PCDH9: variants seen among roughly 807,000 people sequenced by gnomAD.
The protein encoded by PCDH9 is protocadherin-9.
In PCDH9, 24 loss-of-function variants were observed where a neutral mutation model predicts 70.6. The ratio of observed to expected loss-of-function variants is 0.34; its 90% CI spans 0.25 to 0.48. The LOEUF is 0.48. Ranked by LOEUF, PCDH9 falls within the 20% of genes least tolerant of loss-of-function variation. The pLI is 0.99. For missense variants in PCDH9, 1,281 were observed against 1,503.6 expected, an observed-to-expected ratio of 0.85 and a Z score of 2.45; for synonymous variants, 562 against 558.5, an observed-to-expected ratio of 1.01 and a Z score of -0.09.
At chr13:66,733,677 CTT>C (rs11366736) in intron 3 of PCDH9, among the ~76,000 whole-genome samples, 94 of 147,224 alleles carry the variant, frequency 6.4e-4, no homozygotes, top group East Asian at 1.4e-3. Context: ...TAAAGGTAGG[CTT>C]TTTTTTTTTT....
chr13:67,007,373 TGTATGA>T (rs1277187035), intron 2 of PCDH9, among the ~76,000 whole-genome samples: 10 of 152,172 alleles, frequency 6.6e-5, no homozygotes, highest in African/African-American at 2.4e-4. Flanking sequence ...AATACATTTA[TGTATGA>T]GTATAAGACT....
intron 2 of PCDH9, among the ~76,000 whole-genome samples, chr13:67,073,019 G>A (rs1009669055): frequency 6.6e-6 from 1 of 152,158 alleles, no homozygotes; most frequent in South Asian, 2.1e-4. Context: ...AAACAGTTTG[G>A]TGCTATACAA....
At chr13:66,514,804 G>A (rs1959655062) in intron 4 of PCDH9, among the ~76,000 whole-genome samples, 1 of 152,048 alleles carries the variant, frequency 6.6e-6, no homozygotes, top group East Asian at 1.9e-4. Context: ...TGGCTATACT[G>A]CATCGTTCAC....
intron 3 of PCDH9, among the ~76,000 whole-genome samples, chr13:66,716,074 C>G (rs1156541195): frequency 2.6e-5 from 4 of 152,180 alleles, no homozygotes; most frequent in African/African-American, 9.6e-5. Context: ...ATGCTTAATA[C>G]TATCAGAGGA....
intron 4 of PCDH9, among the ~76,000 whole-genome samples, chr13:66,444,484 A>G (rs984449700): frequency 2.2e-4 from 33 of 151,942 alleles, no homozygotes; most frequent in African/African-American, 7.2e-4. Flanking sequence ...CTTTCTCCTA[A>G]TAAGACTTTT....
At position 66,304,893 on chromosome 13, in the gene PCDH9, G is replaced by A. The variant is rs1414131880; in HGVS notation, c.3476C>T (p.Ser1159Leu). 2.5e-5 allele frequency: 40 copies of A among 1,613,490 alleles called. No individual in the cohort carries two copies. The highest frequency in any genetic ancestry group is 3.3e-5 in the Non-Finnish European group (39 of 1,179,752). ...CCATTCTTTCTGGGGTGCAAAGGTT[G>A]AGAGAGGAGATTTGGGGTGTTGATA... ...GPYQHPKSPL[S>L]TFAPQKEWVK... The change falls in exon 5 of 5, where the codon TCA (serine) becomes TTA (leucine). Residue 1159 changes from serine (S) to leucine (L), a missense_variant. Ser to Leu is a moderately radical substitution (Grantham distance 145). Transcript: ENST00000377865.
chr13:66,705,643 T>C (rs1178299382), intron 3 of PCDH9, among the ~76,000 whole-genome samples: 1 of 152,190 alleles, frequency 6.6e-6, no homozygotes. Context: ...TTTGTGAAAA[T>C]GTCACATAAA....
chr13:66,703,753 C>T (rs912043978), intron 3 of PCDH9, among the ~76,000 whole-genome samples: 8 of 151,954 alleles, frequency 5.3e-5, no homozygotes, highest in Middle Eastern at 3.4e-3. Flanking sequence ...CAAAAAGTAT[C>T]CAGGCATAGT....
intron 3 of PCDH9, among the ~76,000 whole-genome samples, chr13:66,644,374 G>C (rs1439366105): frequency 6.6e-6 from 1 of 151,846 alleles, no homozygotes. Flanking sequence ...CAATAAGACA[G>C]TGTATATAAG....
chr13:66,660,875 G>GTTT (rs2077999398), intron 3 of PCDH9, among the ~76,000 whole-genome samples: 1 of 150,154 alleles, frequency 6.7e-6, no homozygotes, highest in Non-Finnish European at 1.5e-5. Context: ...TTTGCTTCTG[G>GTTT]AAATATTTTA....
At chr13:66,536,440 T>C (rs1043255332) in intron 4 of PCDH9, among the ~76,000 whole-genome samples, 1 of 152,230 alleles carries the variant, frequency 6.6e-6, no homozygotes, top group African/African-American at 2.4e-5. Flanking sequence ...TAGAAAATTT[T>C]TGTTGTGTTC....
chr13:66,957,560 TCC>T (rs1293310019), intron 2 of PCDH9, among the ~76,000 whole-genome samples: 1 of 152,166 alleles, frequency 6.6e-6, no homozygotes, highest in Non-Finnish European at 1.5e-5. Flanking sequence ...CCTCCATCCC[TCC>T]ATGAGGTATT....
rs1490006889 is a variant in PCDH9, at chr13:66,474,284, C to T, written c.3340+156926G>A. On this transcript the variant is annotated intron_variant, in intron 4 of 4. Transcript: ENST00000377865. ...AGACTGTCTCCGATTAATAAGATAG[C>T]TCTTATTTCTCTGGGTTTATACTGC... Among the ~76,000 whole-genome samples the T allele has an allele frequency of 2.6e-5, 4 of 152,120 alleles. No individual in the cohort carries two copies. In the South Asian group the frequency reaches 8.3e-4, roughly 31 times the overall value.
chr13:67,027,426 A>T (rs1305948194), intron 2 of PCDH9, among the ~76,000 whole-genome samples: 2 of 152,206 alleles, frequency 1.3e-5, no homozygotes, highest in Admixed American at 1.3e-4. Flanking sequence ...TTCAAGATGG[A>T]TTAAAGACTT....
At chr13:66,849,517 T>TATATATAG (rs1272589939) in intron 3 of PCDH9, among the ~76,000 whole-genome samples, 56 of 63,562 alleles carry the variant, frequency 8.8e-4, no homozygotes, top group Middle Eastern at 0.015. Context: ...TATATATATA[T>TATATATAG]AGAGAGAGAG....
intron 4 of PCDH9, among the ~76,000 whole-genome samples, chr13:66,574,281 G>A (rs946453471): frequency 3.9e-5 from 6 of 152,116 alleles, no homozygotes; most frequent in African/African-American, 1.4e-4. Flanking sequence ...TTCCCAACCA[G>A]CTTCAGTCTC....
chr13:67,125,924 T>C (rs774843021), intron 2 of PCDH9, among the ~76,000 whole-genome samples: 2 of 152,266 alleles, frequency 1.3e-5, no homozygotes, highest in Admixed American at 6.5e-5. Flanking sequence ...CATTATCATG[T>C]ACCCTTCACT....
chr13:67,059,380 ATATAG>A (rs949247208), intron 2 of PCDH9, among the ~76,000 whole-genome samples: 4 of 146,628 alleles, frequency 2.7e-5, no homozygotes, highest in Non-Finnish European at 3.0e-5. Context: ...GTATATATAT[ATATAG>A]TATATAGTAT....
At chr13:66,549,088 C>G (rs1011121186) in intron 4 of PCDH9, among the ~76,000 whole-genome samples, 1 of 151,874 alleles carries the variant, frequency 6.6e-6, no homozygotes. Flanking sequence ...AATTCTTTTC[C>G]TCTGACATAT....
Sources: allele counts gnomAD v4.1 joint callset (sites outside exome capture counted in the v4.1 genomes callset), GRCh38; gene constraint gnomAD v4.1.1; transcripts MANE v1.5; gene names NCBI Gene and HGNC (gene_info 2026-07-23, HGNC 2026-07-21).